The following SNRPN variants were observed in gnomAD, a reference collection of about 807,000 sequenced individuals.
SNRPN encodes small nuclear ribonucleoprotein-associated protein N.
A neutral mutation model predicts 25.2 loss-of-function variants in SNRPN; 7 were observed. The ratio of observed to expected loss-of-function variants is 0.28; its 90% CI spans 0.16 to 0.52. SNRPN has a LOEUF of 0.52. Among genes scored for constraint, SNRPN ranks in the 20% least tolerant of loss-of-function variants. The probability of loss-of-function intolerance (pLI) is 0.96; values close to 1 mark genes in which losing one functional copy is unlikely to be tolerated. For missense variants in SNRPN, 196 were observed against 322.5 expected, an observed-to-expected ratio of 0.61 and a Z score of 3.00; for synonymous variants, 124 against 110.6, an observed-to-expected ratio of 1.12 and a Z score of -0.76.
chr15:24,856,578 C>A (rs1046331723), exon 1 of SNRPN: 4 of 152,264 alleles, frequency 2.6e-5, no homozygotes, highest in African/African-American at 9.6e-5. Context: ...TCTGTGGGGT[C>A]TGCAGTGGCA....
Position 24,929,157 on chromosome 15 carries a change from ATATG to A in SNRPN, c.-391+9040_-391+9043del, listed in dbSNP as rs200538665. 0.011 allele frequency among the ~76,000 whole-genome samples: 1,673 copies of A among 151,664 alleles called. 38 individuals are homozygous for A. The highest frequency in any genetic ancestry group is 0.038 in the African/African-American group (1,576 of 41,104). On this transcript the variant is annotated intron_variant, in intron 3 of 11. Coordinates refer to the SNRPN transcript ENST00000400097. The surrounding 1 kb of genome is among the most constrained non-coding windows in gnomAD (Gnocchi z 5.3). ...GTATGTGACTATATGTATTGTGTAT[ATATG>A]TATGTAGCTATATGTGTGTATGTGT...
chr15:24,872,521 G>C (rs185379901), intron 1 of SNRPN, among the ~76,000 whole-genome samples: 2 of 118,460 alleles, frequency 1.7e-5, no homozygotes, highest in Admixed American at 1.9e-4. Flanking sequence ...CAAGGCGGGC[G>C]GATCACCTGA....
rs115511148 is a variant in SNRPN, at chr15:24,892,490, G to A, written c.-505+5901G>A. Among the ~76,000 whole-genome samples, 670 of 84,394 alleles carry A rather than the reference G, an allele frequency of 7.9e-3. 5 individuals are homozygous for A. The highest frequency in any genetic ancestry group is 0.061 in the Middle Eastern group (9 of 148). The allele number at this position is 84,394 out of a possible 152,430, so 55.4% of individuals were successfully genotyped here. A position where few individuals can be genotyped will look rare whatever the true frequency, so the allele number is the denominator to read the frequency against. On this transcript the variant is annotated intron_variant, in intron 2 of 11. Transcript: ENST00000400097. Reference sequence around the variant, plus strand: ...CTAGTGAAGCTCCAAATTATCCTTAGCAAAATCAGGCCGGGTGTGGTGGAT... The same window carrying A: ...CTAGTGAAGCTCCAAATTATCCTTAACAAAATCAGGCCGGGTGTGGTGGAT...
At chr15:24,885,716 C>CTCTGTGTGTGTGTG in intron 1 of SNRPN, among the ~76,000 whole-genome samples, 2 of 141,636 alleles carry the variant, frequency 1.4e-5, no homozygotes, top group East Asian at 4.4e-4. Context: ...GAATCTGGGG[C>CTCTGTGTGTGTGTG]TGTGTGTGTG....
rs1314356439 is a variant in SNRPN at position 24,872,146 on chromosome 15, A to C, written c.-578-14370A>C. On this transcript the variant is annotated intron_variant, in intron 1 of 11. Transcript: ENST00000400097. ...TTATATCTTAGAAACCATTAATTTCAGACCATGAAGATACATTTTTAAAAT... is the reference window on the plus strand; with the variant it reads ...TTATATCTTAGAAACCATTAATTTCCGACCATGAAGATACATTTTTAAAAT... 1.7e-5 allele frequency among the ~76,000 whole-genome samples: 2 copies of C among 120,742 alleles called. 1 individual carries two copies. Among genetic ancestry groups the C allele is most frequent in the African/African-American group, 5.6e-5 (2 of 35,414 alleles). The allele number at this position is 120,742 out of a possible 152,430, so 79.2% of individuals were successfully genotyped here.
chr15:24,916,443 A>G (rs1230843838), intron 2 of SNRPN, among the ~76,000 whole-genome samples: 1 of 152,088 alleles, frequency 6.6e-6, no homozygotes, highest in Admixed American at 6.6e-5. Flanking sequence ...AGTCCCAGTT[A>G]CTTAGGAGGC....
At chr15:24,841,377 TAA>T (rs2051691771) in intron 2 of SNRPN, among the ~76,000 whole-genome samples, 1 of 151,986 alleles carries the variant, frequency 6.6e-6, no homozygotes, top group African/African-American at 2.4e-5. Context: ...GCCACCTGCA[TAA>T]AAAGTTGCTC....
chr15:24,866,411 T>G (rs150705548), intron 1 of SNRPN, among the ~76,000 whole-genome samples: 1 of 152,138 alleles, frequency 6.6e-6, no homozygotes, highest in Non-Finnish European at 1.5e-5. Flanking sequence ...AGCATTTTTT[T>G]AAATAGACAC....
chr15:24,946,350 T>G (rs2061883941), intron 3 of SNRPN, among the ~76,000 whole-genome samples: 1 of 152,160 alleles, frequency 6.6e-6, no homozygotes, highest in Non-Finnish European at 1.5e-5. Context: ...GAGGCTGCAG[T>G]GACCCATGAT....
chr15:24,919,450 T>G (rs2059912807), intron 2 of SNRPN, among the ~76,000 whole-genome samples: 1 of 150,264 alleles, frequency 6.7e-6, no homozygotes, highest in Non-Finnish European at 1.5e-5. Flanking sequence ...AAAAAAATAT[T>G]CAATTATGCT....
upstream of SNRPN, chr15:24,852,140 C>T (rs1184417779): frequency 6.6e-6 from 1 of 152,136 alleles, no homozygotes; most frequent in African/African-American, 2.4e-5. Flanking sequence ...TCATGGATGT[C>T]ACAACTACAT....
chr15:24,875,654 C>A (rs1453274179), intron 1 of SNRPN, among the ~76,000 whole-genome samples: 1 of 152,100 alleles, frequency 6.6e-6, no homozygotes, highest in Non-Finnish European at 1.5e-5. Context: ...CATGGTAGCT[C>A]ACACCTGTAA....
intron 1 of SNRPN, among the ~76,000 whole-genome samples, chr15:24,885,984 T>G (rs372665921): frequency 6.6e-6 from 1 of 152,184 alleles, no homozygotes; most frequent in Non-Finnish European, 1.5e-5. Context: ...TTCTGCATTC[T>G]CAGTACATAG....
At position 24,862,136 on chromosome 15, in the gene SNRPN, C is replaced by A. The variant is rs373763884; in HGVS notation, c.-579+5420C>A. ...CATGTCATGGCTACCACTAGGCTAA[C>A]GCTATTGTAATAAAATTTGAAATAA... On this transcript the variant is annotated intron_variant, in intron 1 of 11. Coordinates refer to the SNRPN transcript ENST00000400097. Among the ~76,000 whole-genome samples the A allele has an allele frequency of 3.0e-3, 454 of 150,788 alleles. 30 individuals carry two copies. The highest frequency in any genetic ancestry group is 0.01 in the African/African-American group (418 of 40,232).
chr15:24,954,645 G>A (rs1332392720), upstream of SNRPN, among the ~76,000 whole-genome samples: 1 of 152,216 alleles, frequency 6.6e-6, no homozygotes. Flanking sequence ...GAAGACCTGA[G>A]GGTGAGTGTA....
At chr15:24,908,810 C>T in intron 2 of SNRPN, 1 of 503,884 alleles carries the variant, frequency 2.0e-6, no homozygotes, top group Non-Finnish European at 3.4e-6. Flanking sequence ...GACCTAGGGT[C>T]TGGAAATCTT....
At chr15:24,935,069 C>T (rs766666921) in intron 3 of SNRPN, among the ~76,000 whole-genome samples, 4 of 152,010 alleles carry the variant, frequency 2.6e-5, no homozygotes, top group Non-Finnish European at 5.9e-5. Flanking sequence ...CTCAGGAGTT[C>T]GAGACCAGCC....
chr15:24,919,983 CTT>C (rs1004504102), intron 2 of SNRPN: 1 of 152,112 alleles, frequency 6.6e-6, no homozygotes, highest in African/African-American at 2.4e-5. Flanking sequence ...CCTGATATAT[CTT>C]TTTTCTTTAC....
chr15:24,832,250 T>C (rs957943085), intron 2 of SNRPN, among the ~76,000 whole-genome samples: 1 of 152,050 alleles, frequency 6.6e-6, no homozygotes, highest in East Asian at 1.9e-4. Context: ...TATGTCTTCA[T>C]ATTTATACAG....
Sources: gnomAD v4.1 joint callset for allele counts (sites outside exome capture counted in the v4.1 genomes callset) on GRCh38, gnomAD v4.1.1 for gene constraint, Gnocchi (gnomAD v3.1) non-coding constraint, MANE v1.5 for transcripts, NCBI Gene and HGNC (gene_info 2026-07-23, HGNC 2026-07-21) for gene names.